The following DHX16 variants were observed in gnomAD, a reference collection of about 807,000 sequenced individuals.
The protein encoded by DHX16 is pre-mRNA-splicing factor ATP-dependent RNA helicase DHX16.
DHX16 carries 81 observed loss-of-function variants against 131.2 expected under a neutral mutation model. The ratio of observed to expected loss-of-function variants is 0.62; its 90% CI spans 0.52 to 0.74. The LOEUF (loss-of-function observed/expected upper bound fraction) is 0.74, where lower values mean the gene tolerates loss of function less well. DHX16 is among the 30% of genes least tolerant of loss of function. The probability of loss-of-function intolerance (pLI) is 0.00; values close to 1 mark genes in which losing one functional copy is unlikely to be tolerated. For synonymous variants in DHX16, 440 were observed against 520.2 expected (o/e 0.85, Z 2.10); for missense variants, 980 against 1,363.1 (o/e 0.72, Z 4.43).
chr6:30,661,882 GA>G (rs1287559258), intron 9 of DHX16: 1 of 717,814 alleles, frequency 1.4e-6, no homozygotes, highest in Non-Finnish European at 2.6e-6. Flanking sequence ...TTTTGCAAGG[GA>G]TATGAAGGAT....
intron 1 of DHX16, 22 bp downstream of exon 1, chr6:30,672,613 C>T (rs1485569682): frequency 6.3e-7 from 1 of 1,593,772 alleles, no homozygotes; most frequent in South Asian, 1.1e-5. Flanking sequence ...ATCACAGGGC[C>T]CCTCCCCACC....
rs1768030936 is a variant in DHX16, at chr6:30,656,854, C to T, written c.2149-95G>A. 8 of 1,589,300 alleles carry T rather than the reference C, an allele frequency of 5.0e-6. No homozygotes were observed. Among genetic ancestry groups the T allele is most frequent in the Middle Eastern group, 1.9e-4 (1 of 5,308 alleles). ...GAAATCTGGAAGGATGCAAACTGCTCATCCCGGTTCCCTAGGAAGCCCCCA... is the reference window on the plus strand; with the variant it reads ...GAAATCTGGAAGGATGCAAACTGCTTATCCCGGTTCCCTAGGAAGCCCCCA... On this transcript the variant is annotated intron_variant, in intron 13 of 19. Coordinates refer to ENST00000376442, the MANE Select transcript of DHX16 (RefSeq NM_003587.5). The surrounding 1 kb of genome is among the most constrained non-coding windows in gnomAD (Gnocchi z 5.1).
In DHX16 at chr6:30,660,181, T is replaced by C. The variant is rs1393440689; in HGVS notation, c.1606A>G (p.Ile536Val). The stretch of plus-strand genomic sequence containing the variant: ...GGTCGGAAGCGAGCAACATCCTTGA[T>C]CAATCCAAAGAGAATGTCTGTGTGT... ...TLHTDILFGL[I>V]KDVARFRPEL... is the part of the protein sequence containing the mutation. The change falls in exon 10 of 20, where the codon ATC becomes GTC. Residue 536 changes from isoleucine to valine, a missense_variant. Ile to Val is a conservative substitution (Grantham distance 29). Coordinates refer to ENST00000376442, the MANE Select transcript of DHX16 (RefSeq NM_003587.5). The C allele has an allele frequency of 2.5e-6, 4 of 1,577,476 alleles. No individual in the cohort carries two copies. The highest frequency in any genetic ancestry group is 3.6e-5 in the Admixed American group (2 of 55,500).
At chr6:30,669,357 G>A (rs568549974) in intron 4 of DHX16, among the ~76,000 whole-genome samples, 56 of 152,050 alleles carry the variant, frequency 3.7e-4, no homozygotes, top group Middle Eastern at 6.8e-3. Flanking sequence ...CCACCAGGGA[G>A]GCACAGGTTG....
chr6:30,656,106 T>C lies in DHX16; in HGVS notation c.2498+92A>G, dbSNP rs1767952340. The C allele has an allele frequency of 4.8e-6, 6 of 1,248,818 alleles. No individual in the cohort carries two copies. The highest frequency in any genetic ancestry group is 5.8e-6 in the Non-Finnish European group (5 of 860,940). The allele number at this position is 1,248,818 out of a possible 1,614,324, so 77.4% of individuals were successfully genotyped here. A position where few individuals can be genotyped will look rare whatever the true frequency, so the allele number is the denominator to read the frequency against. ...TATTATGTGTTAAGGGATAGTATGA[T>C]GAACAGAAAAAGACAGACAAAGGGG... On this transcript the variant is annotated intron_variant, in intron 16 of 19. Transcript: ENST00000376442. The surrounding 1 kb of genome is among the most constrained non-coding windows in gnomAD (Gnocchi z 5.1).
intron 16 of DHX16, among the ~76,000 whole-genome samples, chr6:30,655,900 C>G (rs778658642): frequency 4.6e-5 from 7 of 152,174 alleles, no homozygotes; most frequent in Non-Finnish European, 1.0e-4. Flanking sequence ...GAAAAGATCT[C>G]TGACAGCAGA....
intron 4 of DHX16, among the ~76,000 whole-genome samples, chr6:30,668,405 T>C (rs987103067): frequency 6.6e-6 from 1 of 152,024 alleles, no homozygotes; most frequent in African/African-American, 2.4e-5. Flanking sequence ...AATCTTAACA[T>C]TTTGGGAGAC....
intron 1 of DHX16, among the ~76,000 whole-genome samples, chr6:30,671,865 T>C (rs1769589804): frequency 6.6e-6 from 1 of 151,492 alleles, no homozygotes; most frequent in South Asian, 2.1e-4. Flanking sequence ...AATTTTTTTG[T>C]AGGACGAAGG....
At position 30,662,798 on chromosome 6, in the gene DHX16, T is replaced by C. The variant is rs1045333038; in HGVS notation, c.1429-56A>G. 1.9e-6 allele frequency: 3 copies of C among 1,584,722 alleles called. No individual in the cohort carries two copies. Among genetic ancestry groups the C allele is most frequent in the Non-Finnish European group, 2.6e-6 (3 of 1,156,336 alleles). ...TGGGCTGGTGTGCCCTGAAAGGAAC[T>C]TGGGGAAAGGTGAAGTGGGGCAGCA... On this transcript the variant is annotated intron_variant, in intron 8 of 19. Transcript: ENST00000376442. The surrounding 1 kb of genome is among the most constrained non-coding windows in gnomAD (Gnocchi z 4.7).
chr6:30,663,168 T>C (rs987871559), intron 7 of DHX16, 147 bp from the exon 8 acceptor site: 63 of 670,348 alleles, frequency 9.4e-5, no homozygotes, highest in Middle Eastern at 3.3e-4. Flanking sequence ...GAAGGGCAAA[T>C]AGATAGGATG....
rs767209201 is a variant in DHX16, at chr6:30,662,901, G to T, written c.1428+10C>A. 11 of 1,611,884 alleles carry T rather than the reference G, an allele frequency of 6.8e-6. No individual in the cohort carries two copies. Among genetic ancestry groups the T allele is most frequent in the Non-Finnish European group, 9.3e-6 (11 of 1,179,404 alleles). On this transcript the variant is annotated intron_variant, in intron 8 of 19. Transcript: ENST00000376442. This position sits in a 1 kb window ranked among gnomAD's most constrained non-coding sequence, Gnocchi z 4.7. Reference sequence around the variant, plus strand: ...CCAGACTCTACCCCCCGGTTCCCTAGAAATCTCACCTCATTCCCAAGCTTC... The same window carrying T: ...CCAGACTCTACCCCCCGGTTCCCTATAAATCTCACCTCATTCCCAAGCTTC...
At chr6:30,655,864 A>G (rs1188081231) in intron 16 of DHX16, among the ~76,000 whole-genome samples, 1 of 152,180 alleles carries the variant, frequency 6.6e-6, no homozygotes, top group African/African-American at 2.4e-5. Context: ...CTTCTGCAGA[A>G]AGTGTGCATT....
chr6:30,670,643 G>A lies in DHX16; in HGVS notation c.609+147C>T. ...CAGACAGTTGTCTTAGCCACAGGAT[G>A]CACAGGGCTTCTCTCACCACAGAGG... On this transcript the variant is annotated intron_variant, in intron 3 of 19. Transcript: ENST00000376442. The surrounding 1 kb of genome is among the most constrained non-coding windows in gnomAD (Gnocchi z 4.4). The A allele has an allele frequency of 8.0e-7, 1 of 1,251,258 alleles. No individual in the cohort carries two copies. Among genetic ancestry groups the A allele is most frequent in the Non-Finnish European group, 1.1e-6 (1 of 892,756 alleles). 77.5% of individuals were successfully genotyped at this position (1,251,258 alleles called of 1,614,324 possible).
At chr6:30,671,785 G>A (rs911720007) in intron 1 of DHX16, among the ~76,000 whole-genome samples, 26 of 151,670 alleles carry the variant, frequency 1.7e-4, no homozygotes, top group Admixed American at 2.6e-4. Flanking sequence ...TGGGCTCAAG[G>A]GATCCTCCCA....
At position 30,672,778 on chromosome 6, in the gene DHX16, T is replaced by C. The variant is rs1769700683; in HGVS notation, c.64A>G (p.Ser22Gly). Residue 22 changes from serine (S) to glycine (G), a missense_variant, in exon 1 of 20, where the codon AGC becomes GGC. Physicochemically the swap from Ser to Gly is moderately conservative, Grantham distance 56 (BLOSUM62 0). This residue lies in a region of DHX16 where 457 missense variants were observed against 554.8 expected (regional missense o/e 0.82). Coordinates refer to ENST00000376442, the MANE Select transcript of DHX16 (RefSeq NM_003587.5). ...AGAAACTGGGCGACGTGCCGCTCGC[T>C]CAGCCCCAACACCGAGTGCAGCTCG... ...QDELHSVLGL[S>G]ERHVAQFLIG... 6.2e-7 allele frequency: 1 copy of C among 1,613,014 alleles called. No homozygotes were observed.
chr6:30,666,149 C>T (rs1769023920), intron 4 of DHX16, among the ~76,000 whole-genome samples: 1 of 152,146 alleles, frequency 6.6e-6, no homozygotes, highest in African/African-American at 2.4e-5. Flanking sequence ...AGATAGAAAC[C>T]AGTGAGGGGG....
At position 30,670,618 on chromosome 6, in the gene DHX16, C is replaced by A. The variant is rs551218240; in HGVS notation, c.610-152G>T. On this transcript the variant is annotated intron_variant, in intron 3 of 19. Coordinates refer to ENST00000376442, the MANE Select transcript of DHX16 (RefSeq NM_003587.5). This position sits in a 1 kb window ranked among gnomAD's most constrained non-coding sequence, Gnocchi z 4.4. ...GGAATCTCTCTGATTGCAGGTACAGCAGACAGTTGTCTTAGCCACAGGATG... is the reference window on the plus strand; with the variant it reads ...GGAATCTCTCTGATTGCAGGTACAGAAGACAGTTGTCTTAGCCACAGGATG... The A allele has an allele frequency of 8.2e-7, 1 of 1,225,296 alleles. No homozygotes were observed. The highest frequency in any genetic ancestry group is 1.1e-6 in the Non-Finnish European group (1 of 872,936). 75.9% of individuals were successfully genotyped at this position (1,225,296 alleles called of 1,614,324 possible).
intron 16 of DHX16, 37 bp from the exon 17 acceptor site, chr6:30,655,634 GAC>G: frequency 6.2e-7 from 1 of 1,609,514 alleles, no homozygotes; most frequent in Non-Finnish European, 8.5e-7. Flanking sequence ...TTCAAAGCAA[GAC>G]ACATAGGAAC....
In DHX16 at chr6:30,670,560, C is replaced by T. The variant is rs910674824; in HGVS notation, c.610-94G>A. ...TAGAATCACAAGGATCATTCAGATG[C>T]GCCCTAACACAAAAAATGTCCCCTC... On this transcript the variant is annotated intron_variant, in intron 3 of 19. Coordinates refer to ENST00000376442, the MANE Select transcript of DHX16 (RefSeq NM_003587.5). The surrounding 1 kb of genome is among the most constrained non-coding windows in gnomAD (Gnocchi z 4.4). The T allele has an allele frequency of 1.3e-5, 18 of 1,372,588 alleles. No homozygotes were observed. Among genetic ancestry groups the T allele is most frequent in the East Asian group, 7.2e-5 (3 of 41,380 alleles). The allele number at this position is 1,372,588 out of a possible 1,614,324, so 85.0% of individuals were successfully genotyped here.
Sources: gnomAD v4.1 joint callset for allele counts (sites outside exome capture counted in the v4.1 genomes callset) on GRCh38, gnomAD v4.1.1 for gene constraint, gnomAD v4.1.1 regional missense constraint, Gnocchi (gnomAD v3.1) non-coding constraint, MANE v1.5 for transcripts, NCBI Gene and HGNC (gene_info 2026-07-23, HGNC 2026-07-21) for gene names.